SLC22A25: variants seen among roughly 807,000 people sequenced by gnomAD.
The protein encoded by SLC22A25 is solute carrier family 22 member 25.
Under a neutral mutation model 45.9 loss-of-function variants are expected in SLC22A25, and 44 were observed. The observed-to-expected ratio is 0.96, with a 90% CI of 0.75 to 1.23. The LOEUF is 1.23. Among genes scored for constraint, SLC22A25 ranks in the 50% most tolerant of loss-of-function variants. The pLI is 0.00. For missense variants in SLC22A25, 800 were observed against 666.4 expected (o/e 1.20, Z -2.21); for synonymous variants, 283 against 238.6 (o/e 1.19, Z -1.72).
intron 3 of SLC22A25, among the ~76,000 whole-genome samples, chr11:63,230,828 G>C (rs1473617417): frequency 6.6e-6 from 1 of 151,958 alleles, no homozygotes; most frequent in Non-Finnish European, 1.5e-5. Flanking sequence ...AGGCCCCGGT[G>C]CATGATGTTC....
At chr11:63,213,630 A>G (rs2089635461) in intron 7 of SLC22A25, among the ~76,000 whole-genome samples, 1 of 152,164 alleles carries the variant, frequency 6.6e-6, no homozygotes, top group African/African-American at 2.4e-5. Context: ...TCTGTGTGAA[A>G]ATCCCCAGAT....
intron 5 of SLC22A25, among the ~76,000 whole-genome samples, chr11:63,224,363 T>G (rs542001664): frequency 6.6e-6 from 1 of 152,226 alleles, no homozygotes; most frequent in South Asian, 2.1e-4. Flanking sequence ...CAGATCATTG[T>G]TTTTGTTTTT....
At chr11:63,220,055 G>T in intron 5 of SLC22A25, 1 of 1,260,988 alleles carries the variant, frequency 7.9e-7, no homozygotes, top group Non-Finnish European at 1.0e-6. Context: ...TAAGTTAGAG[G>T]GTACCCCAAA....
At position 63,229,719 on chromosome 11, in the gene SLC22A25, A is replaced by G. The variant is rs1166340200; in HGVS notation, c.-67T>C. The G allele has an allele frequency of 6.7e-7, 1 of 1,488,324 alleles. No individual in the cohort carries two copies. The highest frequency in any genetic ancestry group is 2.0e-5 in the Admixed American group (1 of 49,912). The allele number at this position is 1,488,324 out of a possible 1,614,324, so 92.2% of individuals were successfully genotyped here. On this transcript the variant is annotated 5_prime_UTR_variant, in exon 4 of 12. Coordinates refer to ENST00000306494, the MANE Select transcript of SLC22A25 (RefSeq NM_199352.6). ...GTATCCAGATAAGTTCAAAGAGAAAATATTTCCTTTCCTTAAATCACACTA... is the reference window on the plus strand; with the variant it reads ...GTATCCAGATAAGTTCAAAGAGAAAGTATTTCCTTTCCTTAAATCACACTA...
intron 3 of SLC22A25, among the ~76,000 whole-genome samples, chr11:63,233,598 A>G (rs2090111064): frequency 6.6e-6 from 1 of 152,074 alleles, no homozygotes; most frequent in Non-Finnish European, 1.5e-5. Context: ...TCCTGGATTC[A>G]TTGATTTTTT....
chr11:63,184,417 C>A (rs568888942), intron 7 of SLC22A25, among the ~76,000 whole-genome samples: 1 of 152,064 alleles, frequency 6.6e-6, no homozygotes, highest in African/African-American at 2.4e-5. Flanking sequence ...AACTTTCTCT[C>A]TGTATTAAAT....
At chr11:63,232,134 A>G (rs912552441) in intron 3 of SLC22A25, among the ~76,000 whole-genome samples, 24 of 152,098 alleles carry the variant, frequency 1.6e-4, no homozygotes, top group African/African-American at 5.8e-4. Context: ...TTGGTTCCAT[A>G]TGAACTTTAA....
intron 7 of SLC22A25, among the ~76,000 whole-genome samples, chr11:63,196,342 T>A (rs2089029631): frequency 6.6e-6 from 1 of 152,184 alleles, no homozygotes; most frequent in Admixed American, 6.5e-5. Flanking sequence ...TGAACATCGA[T>A]GCAAAAATCC....
intron 7 of SLC22A25, among the ~76,000 whole-genome samples, chr11:63,216,898 A>G (rs1049137459): frequency 3.3e-5 from 5 of 152,226 alleles, no homozygotes; most frequent in Non-Finnish European, 5.9e-5. Context: ...TTTTTAGTAT[A>G]AGCATGTCCC....
chr11:63,211,771 T>A (rs912511591), intron 7 of SLC22A25, among the ~76,000 whole-genome samples: 5 of 152,000 alleles, frequency 3.3e-5, no homozygotes, highest in African/African-American at 9.7e-5. Flanking sequence ...GGACTTCATG[T>A]CTAAAACACC....
At chr11:63,172,397 T>C (rs2087920462) in intron 9 of SLC22A25, among the ~76,000 whole-genome samples, 1 of 152,098 alleles carries the variant, frequency 6.6e-6, no homozygotes, top group Non-Finnish European at 1.5e-5. Context: ...TCTATACATC[T>C]GACAAAGTTC....
chr11:63,229,118 A>T, intron 4 of SLC22A25, 133 bp downstream of exon 4: 1 of 925,822 alleles, frequency 1.1e-6, no homozygotes, highest in Non-Finnish European at 1.5e-6. Context: ...TTCAGTAGAG[A>T]AGCAATTAAT....
intron 3 of SLC22A25, among the ~76,000 whole-genome samples, chr11:63,236,057 G>C (rs2510593): frequency 0.021 from 3,229 of 151,160 alleles, 80 homozygotes; most frequent in African/African-American, 0.063. Context: ...ACCCCTAATG[G>C]GGGGTGCCTC....
At chr11:63,168,344 A>G (rs976189244) in intron 9 of SLC22A25, among the ~76,000 whole-genome samples, 1 of 152,202 alleles carries the variant, frequency 6.6e-6, no homozygotes, top group African/African-American at 2.4e-5. Flanking sequence ...AGTAGGCTTT[A>G]GAAGGTGGGT....
chr11:63,230,400 G>A (rs2090044951), intron 3 of SLC22A25, among the ~76,000 whole-genome samples: 1 of 152,140 alleles, frequency 6.6e-6, no homozygotes, highest in African/African-American at 2.4e-5. Flanking sequence ...GACATTTTCT[G>A]TGTCAGTATC....
intron 7 of SLC22A25, among the ~76,000 whole-genome samples, chr11:63,195,652 G>A (rs1037302040): frequency 2.1e-4 from 32 of 152,134 alleles, no homozygotes; most frequent in African/African-American, 7.7e-4. Context: ...AGAGAAAGCA[G>A]GAAAGATCCA....
intron 3 of SLC22A25, among the ~76,000 whole-genome samples, chr11:63,231,563 G>A (rs1271932131): frequency 1.3e-5 from 2 of 152,108 alleles, no homozygotes; most frequent in African/African-American, 4.8e-5. Flanking sequence ...TGTCAGATGA[G>A]TAGATTGCAA....
chr11:63,214,785 C>T (rs577702492), intron 7 of SLC22A25, among the ~76,000 whole-genome samples: 2 of 151,420 alleles, frequency 1.3e-5, no homozygotes, highest in Non-Finnish European at 1.5e-5. Context: ...TTGTTCAGGG[C>T]TCAGTCCTTT....
intron 7 of SLC22A25, among the ~76,000 whole-genome samples, chr11:63,191,559 C>A (rs547917976): frequency 6.6e-6 from 1 of 152,190 alleles, no homozygotes; most frequent in African/African-American, 2.4e-5. Flanking sequence ...TGTCCTGCAC[C>A]CACTGTCTGA....
Sources: gnomAD v4.1 joint callset for allele counts (sites outside exome capture counted in the v4.1 genomes callset) on GRCh38, gnomAD v4.1.1 for gene constraint, MANE v1.5 for transcripts, NCBI Gene and HGNC (gene_info 2026-07-23, HGNC 2026-07-21) for gene names.